Variants in ANKRD29 observed in about 807,000 individuals in gnomAD.
ANKRD29 encodes ankyrin repeat domain-containing protein 29.
ANKRD29 carries 32 observed loss-of-function variants against 38.0 expected under a neutral mutation model. The observed-to-expected ratio is 0.84, with a 90% CI of 0.64 to 1.13. The LOEUF (loss-of-function observed/expected upper bound fraction) is 1.13, where lower values mean the gene tolerates loss of function less well. ANKRD29 is among the 50% of genes most tolerant of loss of function. ANKRD29 has a pLI of 0.00. For synonymous variants in ANKRD29, 135 were observed against 152.4 expected (o/e 0.89, Z 0.84); for missense variants, 357 against 377.9 (o/e 0.94, Z 0.46).
At chr18:23,650,424 G>A (rs2060195618) in intron 1 of ANKRD29, among the ~76,000 whole-genome samples, 2 of 152,172 alleles carry the variant, frequency 1.3e-5, no homozygotes, top group Non-Finnish European at 2.9e-5. Context: ...GATTACAGGC[G>A]TGAGCCACTG....
chr18:23,657,197 G>A (rs1390901098), intron 1 of ANKRD29, among the ~76,000 whole-genome samples: 7 of 152,228 alleles, frequency 4.6e-5, no homozygotes. Context: ...TGGCTTGCCA[G>A]CCTCCTTTCT....
At chr18:23,653,562 T>C (rs564036571) in intron 1 of ANKRD29, among the ~76,000 whole-genome samples, 4 of 151,998 alleles carry the variant, frequency 2.6e-5, no homozygotes, top group African/African-American at 9.7e-5. Flanking sequence ...TCCCATTTTT[T>C]CTTTTATTTT....
chr18:23,644,764 T>C (rs1248775568), intron 3 of ANKRD29, among the ~76,000 whole-genome samples: 2 of 152,240 alleles, frequency 1.3e-5, no homozygotes, highest in Non-Finnish European at 2.9e-5. Flanking sequence ...AGGCTGGTAG[T>C]ACAATCATGG....
chr18:23,658,579 G>A (rs1220000528), intron 1 of ANKRD29, among the ~76,000 whole-genome samples: 2 of 152,316 alleles, frequency 1.3e-5, no homozygotes, highest in South Asian at 4.1e-4. Context: ...TTTGGGGACT[G>A]TTGGGATGGA....
chr18:23,600,157 A>C lies in ANKRD29; in HGVS notation c.*1069T>G, dbSNP rs1282839174. 5 of 152,626 alleles carry C rather than the reference A, an allele frequency of 3.3e-5. No individual in the cohort carries two copies. The highest frequency in any genetic ancestry group is 1.2e-4 in the African/African-American group (5 of 41,464). The allele number at this position is 152,626 out of a possible 1,614,324, so 9.5% of individuals were successfully genotyped here. Reference sequence around the variant, plus strand: ...TTGAATATAAGTTTTGATCCCTTTCAAAGGAATAATTCAATAAACCTCATA... The same window carrying C: ...TTGAATATAAGTTTTGATCCCTTTCCAAGGAATAATTCAATAAACCTCATA... On this transcript the variant is annotated 3_prime_UTR_variant, in exon 10 of 10. Coordinates refer to ENST00000592179, the MANE Select transcript of ANKRD29 (RefSeq NM_173505.4).
In ANKRD29 at chr18:23,634,141, G is replaced by A. The variant is rs1226200935; in HGVS notation, c.339C>T (p.Gly113=). The A allele has an allele frequency of 1.2e-6, 2 of 1,614,122 alleles. No homozygotes were observed. Among genetic ancestry groups the A allele is most frequent in the African/African-American group, 1.3e-5 (1 of 75,042 alleles). ...ACTGACTGGCAGCCAACAGGGCGGT[G>A]CCCCCGTCCTATGGACATGCAAAGT... is the stretch of plus-strand genomic sequence containing the variant. ...ASTEFRTKDG[G]TALLAASQYG... Residue 113 remains glycine (G), a synonymous_variant, in exon 5 of 10, where the codon GGC becomes GGT. Coordinates refer to ENST00000592179, the MANE Select transcript of ANKRD29 (RefSeq NM_173505.4).
At chr18:23,652,345 G>T (rs530406815) in intron 1 of ANKRD29, among the ~76,000 whole-genome samples, 1 of 152,264 alleles carries the variant, frequency 6.6e-6, no homozygotes, top group East Asian at 1.9e-4. Flanking sequence ...TGGCAAGTCA[G>T]GCTTCAGCAA....
intron 3 of ANKRD29, among the ~76,000 whole-genome samples, chr18:23,643,070 A>C (rs2060098145): frequency 6.6e-6 from 1 of 152,144 alleles, no homozygotes; most frequent in Non-Finnish European, 1.5e-5. Context: ...GCTATCTGAC[A>C]ATCTCTTTTG....
intron 9 of ANKRD29, among the ~76,000 whole-genome samples, chr18:23,606,443 A>G (rs2059576133): frequency 6.6e-6 from 1 of 152,094 alleles, no homozygotes; most frequent in Non-Finnish European, 1.5e-5. Context: ...TATCAAGAAT[A>G]TGGTTTTGAA....
At chr18:23,661,738 T>C (rs2060364870) in intron 1 of ANKRD29, among the ~76,000 whole-genome samples, 1 of 152,178 alleles carries the variant, frequency 6.6e-6, no homozygotes. Flanking sequence ...GTCATTCACA[T>C]TCGTCTGCTT....
At chr18:23,640,866 T>C (rs1047429021) in intron 3 of ANKRD29, among the ~76,000 whole-genome samples, 1 of 152,122 alleles carries the variant, frequency 6.6e-6, no homozygotes, top group African/African-American at 2.4e-5. Flanking sequence ...GCTGTTAAGA[T>C]GGTAGGTCTC....
rs138984436 is a variant in ANKRD29 at position 23,615,246 on chromosome 18, C to G, written c.723+2486G>C. Among the ~76,000 whole-genome samples, 108 of 152,276 alleles carry G rather than the reference C, an allele frequency of 7.1e-4. No individual in the cohort carries two copies. The East Asian group carries it at 0.011, about 16-fold the overall frequency. On this transcript the variant is annotated intron_variant, in intron 8 of 9. Coordinates refer to ENST00000592179, the MANE Select transcript of ANKRD29 (RefSeq NM_173505.4). ...CTGGTCTCTAACTCCTGGCCTCAAG[C>G]AGTCTTCCTGCCTCAGCCTCCCAAA...
intron 5 of ANKRD29, among the ~76,000 whole-genome samples, chr18:23,630,498 G>A (rs2059917098): frequency 6.6e-6 from 1 of 151,970 alleles, no homozygotes. Context: ...CTGCATACCT[G>A]TAATCCCAGG....
At chr18:23,612,004 G>T in intron 9 of ANKRD29, 88 bp downstream of exon 9, 1 of 1,191,722 alleles carries the variant, frequency 8.4e-7, no homozygotes, top group South Asian at 1.4e-5. Flanking sequence ...TGAAGATGGT[G>T]ACTGGAGCCA....
chr18:23,637,599 T>G (rs1251419339), intron 4 of ANKRD29, among the ~76,000 whole-genome samples: 2 of 152,008 alleles, frequency 1.3e-5, no homozygotes, highest in Non-Finnish European at 2.9e-5. Flanking sequence ...GGTCTCGCTT[T>G]GTTGCCCAGG....
At chr18:23,603,698 G>T (rs116914402) in intron 9 of ANKRD29, among the ~76,000 whole-genome samples, 6,928 of 152,256 alleles carry the variant, frequency 0.046, 487 homozygotes, top group Admixed American at 0.18. Context: ...AAGCTGTTAA[G>T]GTCATAGTGG....
In ANKRD29 at chr18:23,609,556, A is replaced by G. The variant is rs556571332; in HGVS notation, c.822+2536T>C. On this transcript the variant is annotated intron_variant, in intron 9 of 9. Coordinates refer to ENST00000592179, the MANE Select transcript of ANKRD29 (RefSeq NM_173505.4). ...TTCTGTCTAGGCAGCAGGCAAGGTG[A>G]ACCCATTGGGCGGTTACACTTGCTT... 3.3e-5 allele frequency among the ~76,000 whole-genome samples: 5 copies of G among 152,330 alleles called. No individual in the cohort carries two copies. In the East Asian group the frequency reaches 9.6e-4, roughly 29 times the overall value.
At chr18:23,649,317 G>T in intron 1 of ANKRD29, 124 bp from the exon 2 acceptor site, 1 of 779,018 alleles carries the variant, frequency 1.3e-6, no homozygotes, top group Non-Finnish European at 2.2e-6. Context: ...TTGAAAGATT[G>T]ATCCTCCAGC....
At position 23,619,762 on chromosome 18, in the gene ANKRD29, C is replaced by A. The variant is rs2145661094; in HGVS notation, c.529-133G>T. 8.8e-6 allele frequency: 6 copies of A among 684,666 alleles called. No homozygotes were observed. In the South Asian group the frequency reaches 1.0e-4, roughly 11 times the overall value. The allele number at this position is 684,666 out of a possible 1,614,324, so 42.4% of individuals were successfully genotyped here. A position where few individuals can be genotyped will look rare whatever the true frequency, so the allele number is the denominator to read the frequency against. ...CTCCCTGACCGCAGATCACACTCTG[C>A]AGCTGATCCACACCGCCCAGGAGGC... is the stretch of plus-strand genomic sequence containing the variant. On this transcript the variant is annotated intron_variant, in intron 6 of 9. Transcript: ENST00000592179.
Sources: gnomAD v4.1 joint callset for allele counts (sites outside exome capture counted in the v4.1 genomes callset) on GRCh38, gnomAD v4.1.1 for gene constraint, MANE v1.5 for transcripts, NCBI Gene and HGNC (gene_info 2026-07-23, HGNC 2026-07-21) for gene names.